Variants in GALNT13 observed in about 807,000 individuals in gnomAD.
GALNT13 encodes polypeptide N-acetylgalactosaminyltransferase 13.
GALNT13 carries 28 observed loss-of-function variants against 64.2 expected under a neutral mutation model. The observed-to-expected ratio is 0.44, with a 90% CI of 0.32 to 0.60. GALNT13 has a LOEUF of 0.60. Among genes scored for constraint, GALNT13 ranks in the 20% least tolerant of loss-of-function variants. The probability of loss-of-function intolerance (pLI) is 0.05; values close to 1 mark genes in which losing one functional copy is unlikely to be tolerated. For missense variants in GALNT13, 577 were observed against 669.8 expected (o/e 0.86, Z 1.53); for synonymous variants, 214 against 224.6 (o/e 0.95, Z 0.42).
At chr2:153,774,140 A>G in the GALNT13 span, among the ~76,000 whole-genome samples, 4 of 152,138 alleles carry the variant, frequency 2.6e-5, no homozygotes, top group Admixed American at 6.5e-5. Flanking sequence ...AAACTATGGT[A>G]TATTTACAGC....
chr2:153,661,848 A>G, the GALNT13 span, among the ~76,000 whole-genome samples: 1 of 152,198 alleles, frequency 6.6e-6, no homozygotes, highest in Non-Finnish European at 1.5e-5. Context: ...CTATTAAAGG[A>G]CATTAAGATT....
the GALNT13 span, among the ~76,000 whole-genome samples, chr2:153,362,698 T>TA: frequency 6.6e-6 from 1 of 151,892 alleles, no homozygotes; most frequent in South Asian, 2.1e-4. Context: ...CTATACTAAA[T>TA]ATATATGCAC....
intron 3 of GALNT13, among the ~76,000 whole-genome samples, chr2:154,030,792 C>G (rs1279803406): frequency 6.6e-6 from 1 of 152,046 alleles, no homozygotes; most frequent in Non-Finnish European, 1.5e-5. Flanking sequence ...AAAGATGTAC[C>G]TTGTTTCCCC....
chr2:153,705,160 G>A, the GALNT13 span, among the ~76,000 whole-genome samples: 2 of 152,114 alleles, frequency 1.3e-5, no homozygotes, highest in African/African-American at 2.4e-5. Flanking sequence ...GCAGATAGTT[G>A]ACAAATAGTA....
intron 10 of GALNT13, among the ~76,000 whole-genome samples, chr2:154,401,212 A>G (rs1246172271): frequency 6.6e-6 from 1 of 152,142 alleles, no homozygotes; most frequent in Admixed American, 6.6e-5. Context: ...TACATAATGG[A>G]AAATAGACAT....
intron 3 of GALNT13, among the ~76,000 whole-genome samples, chr2:154,018,056 A>G (rs969665523): frequency 1.3e-5 from 2 of 152,216 alleles, no homozygotes; most frequent in Non-Finnish European, 2.9e-5. Flanking sequence ...ATTGCAATAG[A>G]ATGAAGTAAG....
intron 4 of GALNT13, among the ~76,000 whole-genome samples, chr2:154,163,484 A>G (rs1184400618): frequency 6.6e-6 from 1 of 152,160 alleles, no homozygotes; most frequent in African/African-American, 2.4e-5. Flanking sequence ...CAAATAAACT[A>G]GAAAATCTCA....
the GALNT13 span, among the ~76,000 whole-genome samples, chr2:153,795,781 T>C: frequency 5.3e-5 from 8 of 152,298 alleles, no homozygotes; most frequent in South Asian, 1.7e-3. Context: ...GGCAAAAGAT[T>C]ACCCTCAATT....
At chr2:153,731,948 G>T in the GALNT13 span, among the ~76,000 whole-genome samples, 1 of 151,824 alleles carries the variant, frequency 6.6e-6, no homozygotes, top group Admixed American at 6.6e-5. Context: ...CTGATGCTCC[G>T]AGAGCTTATA....
chr2:153,663,228 T>G, the GALNT13 span, among the ~76,000 whole-genome samples: 1 of 152,182 alleles, frequency 6.6e-6, no homozygotes, highest in African/African-American at 2.4e-5. Flanking sequence ...ATATTACCTT[T>G]AAAAATGTAA....
chr2:153,075,351 A>G, the GALNT13 span, among the ~76,000 whole-genome samples: 3 of 152,178 alleles, frequency 2.0e-5, no homozygotes, highest in Admixed American at 6.5e-5. Context: ...GTGTGTACTG[A>G]TAAGTTCCAG....
the GALNT13 span, among the ~76,000 whole-genome samples, chr2:153,594,890 T>C: frequency 0.018 from 2,780 of 152,246 alleles, 87 homozygotes; most frequent in African/African-American, 0.064. Flanking sequence ...ATAGCACTTA[T>C]GAGTCCTTGG....
chr2:153,774,687 A>G, the GALNT13 span, among the ~76,000 whole-genome samples: 1 of 152,098 alleles, frequency 6.6e-6, no homozygotes, highest in African/African-American at 2.4e-5. Flanking sequence ...TTTGAGTCCA[A>G]GAGTTCAGAC....
At chr2:153,702,606 A>G in the GALNT13 span, among the ~76,000 whole-genome samples, 2 of 152,132 alleles carry the variant, frequency 1.3e-5, no homozygotes, top group Non-Finnish European at 2.9e-5. Flanking sequence ...TGGATGTGGT[A>G]TATGGGAGAA....
chr2:153,753,012 T>G, the GALNT13 span, among the ~76,000 whole-genome samples: 1 of 152,178 alleles, frequency 6.6e-6, no homozygotes, highest in African/African-American at 2.4e-5. Context: ...TCTACTGCTT[T>G]ATCATTTCTA....
chr2:153,136,352 G>A, the GALNT13 span, among the ~76,000 whole-genome samples: 1 of 151,976 alleles, frequency 6.6e-6, no homozygotes, highest in Non-Finnish European at 1.5e-5. Context: ...TGCATGTCTC[G>A]TTTTAAAATC....
At chr2:153,456,300 AGAAACT>A in the GALNT13 span, among the ~76,000 whole-genome samples, 1 of 152,160 alleles carries the variant, frequency 6.6e-6, no homozygotes, top group Non-Finnish European at 1.5e-5. Flanking sequence ...ACCATCTCAG[AGAAACT>A]GAAATTGCAT....
At chr2:154,299,621 ATT>A (rs11319036) in intron 8 of GALNT13, among the ~76,000 whole-genome samples, 174 of 143,868 alleles carry the variant, frequency 1.2e-3, no homozygotes, top group African/African-American at 9.5e-4. Flanking sequence ...TGCCTGGCTA[ATT>A]TTTTTTTTTT....
chr2:153,885,545 A>G (rs1043073978), intron 1 of GALNT13, among the ~76,000 whole-genome samples: 1 of 152,118 alleles, frequency 6.6e-6, no homozygotes, highest in Non-Finnish European at 1.5e-5. Context: ...TTTCCTAAAC[A>G]CTTTCAAAGC....
Sources: gnomAD v4.1 joint callset for allele counts (sites outside exome capture counted in the v4.1 genomes callset) on GRCh38, gnomAD v4.1.1 for gene constraint, MANE v1.5 for transcripts, NCBI Gene and HGNC (gene_info 2026-07-23, HGNC 2026-07-21) for gene names.